RFX3: variants seen among roughly 807,000 people sequenced by gnomAD.
RFX3 encodes regulatory factor X3.
RFX3 carries 14 observed loss-of-function variants against 98.6 expected under a neutral mutation model. That is an observed-to-expected ratio of 0.14 (90% CI 0.09 to 0.22). The LOEUF (loss-of-function observed/expected upper bound fraction) is 0.22, where lower values mean the gene tolerates loss of function less well. Among genes scored for constraint, RFX3 ranks in the 10% least tolerant of loss-of-function variants. RFX3 has a pLI of 1.00. For missense variants in RFX3, 639 were observed against 926.9 expected (o/e 0.69, Z 4.03); for synonymous variants, 383 against 328.4 (o/e 1.17, Z -1.80).
chr9:3,396,902 G>C (rs993565650), intron 1 of RFX3, among the ~76,000 whole-genome samples: 1 of 152,058 alleles, frequency 6.6e-6, no homozygotes, highest in African/African-American at 2.4e-5. Flanking sequence ...AACAATTAAC[G>C]TATATCCAAA....
At chr9:3,489,106 A>G (rs921191240) in intron 1 of RFX3, among the ~76,000 whole-genome samples, 6 of 152,190 alleles carry the variant, frequency 3.9e-5, no homozygotes, top group Admixed American at 1.3e-4. Context: ...AGTAAATCAC[A>G]TGATTATTTT....
chr9:3,227,556 G>A (rs572039180), intron 16 of RFX3, among the ~76,000 whole-genome samples: 1 of 152,290 alleles, frequency 6.6e-6, no homozygotes, highest in African/African-American at 2.4e-5. Flanking sequence ...CTGTGGTTCA[G>A]CACCGTGTGA....
Position 3,220,108 on chromosome 9 carries a change from C to T in RFX3, c.*4934G>A, listed in dbSNP as rs1197327972. On this transcript the variant is annotated 3_prime_UTR_variant, in exon 17 of 17. Coordinates refer to ENST00000617270, the MANE Select transcript of RFX3 (RefSeq NM_001282116.2). ...TCAAGTGCTTTGCTCTCCATTCTATCTATATATAATTTTTTGACAACGTAT... is the reference window on the plus strand; with the variant it reads ...TCAAGTGCTTTGCTCTCCATTCTATTTATATATAATTTTTTGACAACGTAT... 6.6e-6 allele frequency: 1 copy of T among 152,122 alleles called. No homozygotes were observed. The highest frequency in any genetic ancestry group is 2.4e-5 in the African/African-American group (1 of 41,422). The allele number at this position is 152,122 out of a possible 1,614,324, so 9.4% of individuals were successfully genotyped here.
At chr9:3,493,388 A>T (rs1208197144) in intron 1 of RFX3, among the ~76,000 whole-genome samples, 2 of 151,964 alleles carry the variant, frequency 1.3e-5, no homozygotes, top group African/African-American at 4.8e-5. Context: ...ATCCATTTTT[A>T]AAAAATATAC....
At chr9:3,379,577 A>G (rs1838945545) in intron 2 of RFX3, among the ~76,000 whole-genome samples, 1 of 152,202 alleles carries the variant, frequency 6.6e-6, no homozygotes, top group Admixed American at 6.5e-5. Context: ...ATTGAGTGGA[A>G]ATCTCAGTTA....
At chr9:3,377,365 G>A (rs1838661655) in intron 2 of RFX3, among the ~76,000 whole-genome samples, 1 of 152,094 alleles carries the variant, frequency 6.6e-6, no homozygotes, top group African/African-American at 2.4e-5. Context: ...AACACCGCAT[G>A]TTCTCACTCA....
intron 2 of RFX3, chr9:3,364,429 G>A (rs1216424060): frequency 1.2e-5 from 3 of 248,888 alleles, no homozygotes; most frequent in Non-Finnish European, 1.6e-5. Flanking sequence ...TCCAACTCCT[G>A]AAGAAGTTAA....
chr9:3,425,358 A>G (rs971012092), intron 1 of RFX3, among the ~76,000 whole-genome samples: 4 of 152,226 alleles, frequency 2.6e-5, no homozygotes, highest in Non-Finnish European at 5.9e-5. Context: ...TAAATTTTAT[A>G]TATCTGTATG....
chr9:3,255,609 T>A (rs2131088706), intron 14 of RFX3, among the ~76,000 whole-genome samples: 1 of 152,220 alleles, frequency 6.6e-6, no homozygotes, highest in African/African-American at 2.4e-5. Context: ...AATGCCAGAG[T>A]TAAAAATATA....
intron 1 of RFX3, among the ~76,000 whole-genome samples, chr9:3,456,538 G>T (rs1012607159): frequency 2.0e-5 from 3 of 151,288 alleles, no homozygotes; most frequent in East Asian, 4.0e-4. Context: ...ATGATTAATA[G>T]AACAAAGTGA....
intron 14 of RFX3, among the ~76,000 whole-genome samples, chr9:3,253,598 G>A (rs921528130): frequency 1.3e-5 from 2 of 152,100 alleles, no homozygotes; most frequent in Non-Finnish European, 2.9e-5. Context: ...CTGACAGCCA[G>A]GTTAGGCAAG....
chr9:3,367,105 G>A (rs758458817), intron 2 of RFX3, among the ~76,000 whole-genome samples: 4 of 152,200 alleles, frequency 2.6e-5, no homozygotes, highest in Non-Finnish European at 4.4e-5. Context: ...TGAATACAAT[G>A]AAAAATACCT....
intron 9 of RFX3, among the ~76,000 whole-genome samples, 185 bp from the exon 10 acceptor site, chr9:3,271,303 A>G (rs909146163): frequency 6.6e-6 from 1 of 151,988 alleles, no homozygotes; most frequent in African/African-American, 2.4e-5. Flanking sequence ...CTAGCTAGGA[A>G]GAAGATAAAG....
intron 15 of RFX3, 109 bp from the exon 16 acceptor site, chr9:3,228,998 T>C (rs1818131296): frequency 1.3e-5 from 11 of 829,836 alleles, no homozygotes; most frequent in Non-Finnish European, 2.0e-5. Flanking sequence ...AACTGTAAAC[T>C]AGTGGCCATT....
At chr9:3,480,488 G>A (rs1342392281) in intron 1 of RFX3, among the ~76,000 whole-genome samples, 7 of 152,158 alleles carry the variant, frequency 4.6e-5, no homozygotes, top group African/African-American at 1.7e-4. Flanking sequence ...CAAACTGAAA[G>A]GAAAGTGACT....
At chr9:3,263,345 C>G (rs1036665285) in intron 12 of RFX3, among the ~76,000 whole-genome samples, 2 of 152,158 alleles carry the variant, frequency 1.3e-5, no homozygotes, top group African/African-American at 4.8e-5. Context: ...ATTAATTAAA[C>G]TAGTCTTGCA....
chr9:3,465,141 C>T (rs1848088285), intron 1 of RFX3, among the ~76,000 whole-genome samples: 4 of 152,106 alleles, frequency 2.6e-5, no homozygotes. Context: ...GAACCTTCCC[C>T]AAACCCTTGC....
At chr9:3,363,198 T>C (rs1163387569) in intron 2 of RFX3, among the ~76,000 whole-genome samples, 1 of 152,226 alleles carries the variant, frequency 6.6e-6, no homozygotes, top group East Asian at 1.9e-4. Flanking sequence ...ATGTCAAGCT[T>C]ACTGCAGTAT....
At chr9:3,426,666 G>A (rs1276727364) in intron 1 of RFX3, among the ~76,000 whole-genome samples, 1 of 152,150 alleles carries the variant, frequency 6.6e-6, no homozygotes, top group African/African-American at 2.4e-5. Context: ...AAACCCTGTT[G>A]TGAACTGCCC....
Sources: allele counts gnomAD v4.1 joint callset (sites outside exome capture counted in the v4.1 genomes callset), GRCh38; gene constraint gnomAD v4.1.1; transcripts MANE v1.5; gene names NCBI Gene and HGNC (gene_info 2026-07-23, HGNC 2026-07-21).